Variants in GPHN observed in about 807,000 individuals in gnomAD.
GPHN encodes gephyrin.
Under a neutral mutation model 95.5 loss-of-function variants are expected in GPHN, and 17 were observed. That is an observed-to-expected ratio of 0.18 (90% CI 0.12 to 0.27). The LOEUF is 0.27. Among genes scored for constraint, GPHN ranks in the 10% least tolerant of loss-of-function variants. The probability of loss-of-function intolerance (pLI) is 1.00; values close to 1 mark genes in which losing one functional copy is unlikely to be tolerated. For missense variants in GPHN, 660 were observed against 978.1 expected, an observed-to-expected ratio of 0.67 and a Z score of 4.34; for synonymous variants, 320 against 322.5, an observed-to-expected ratio of 0.99 and a Z score of 0.08.
the GPHN span, among the ~76,000 whole-genome samples, chr14:67,540,052 G>C: frequency 6.6e-6 from 1 of 152,134 alleles, no homozygotes; most frequent in Non-Finnish European, 1.5e-5. Flanking sequence ...GAGGTGGCTG[G>C]GTTTTCTGAG....
At chr14:67,087,527 C>G (rs1215714706) in intron 11 of GPHN, among the ~76,000 whole-genome samples, 1 of 152,148 alleles carries the variant, frequency 6.6e-6, no homozygotes, top group Non-Finnish European at 1.5e-5. Flanking sequence ...TCCAGAATAG[C>G]TTCAACATCC....
the GPHN span, among the ~76,000 whole-genome samples, chr14:67,715,723 C>T: frequency 4.6e-5 from 7 of 152,124 alleles, no homozygotes; most frequent in African/African-American, 9.7e-5. Context: ...GCAATACTCA[C>T]GAAGTTGCAA....
the GPHN span, among the ~76,000 whole-genome samples, chr14:67,267,022 A>G: frequency 3.7e-4 from 57 of 152,048 alleles, no homozygotes; most frequent in Admixed American, 5.9e-4. Context: ...CGGGAAGATC[A>G]CTTGAGCCTG....
chr14:66,669,677 T>C (rs2066187663), intron 1 of GPHN, among the ~76,000 whole-genome samples: 1 of 152,144 alleles, frequency 6.6e-6, no homozygotes, highest in African/African-American at 2.4e-5. Context: ...GCTTGCTGAT[T>C]GTTTTCGCAT....
the GPHN span, among the ~76,000 whole-genome samples, chr14:67,210,153 T>C: frequency 1.3e-5 from 2 of 152,188 alleles, no homozygotes; most frequent in Non-Finnish European, 2.9e-5. Flanking sequence ...AAATAACTTA[T>C]TTGAATGTAG....
the GPHN span, among the ~76,000 whole-genome samples, chr14:67,278,139 C>T: frequency 6.6e-6 from 1 of 151,282 alleles, no homozygotes; most frequent in Non-Finnish European, 1.5e-5. Flanking sequence ...CAGGTTCAAG[C>T]GATTCTCCTG....
chr14:67,345,914 A>G, the GPHN span: 104,889 of 1,254,684 alleles, frequency 0.084, 12,709 homozygotes, highest in East Asian at 0.41. Flanking sequence ...AGAGTAAAAT[A>G]TCTTCCCTAT....
At chr14:67,312,523 T>C in the GPHN span, 1 of 1,564,596 alleles carries the variant, frequency 6.4e-7, no homozygotes. Flanking sequence ...TTTTTATCTT[T>C]TAGATCCATG....
intron 11 of GPHN, among the ~76,000 whole-genome samples, chr14:67,078,444 C>A (rs1044012108): frequency 3.9e-5 from 6 of 152,096 alleles, no homozygotes; most frequent in Non-Finnish European, 7.4e-5. Flanking sequence ...AGTTACTGCT[C>A]CCCGGTTCCC....
chr14:66,708,033 A>G (rs533381753), intron 2 of GPHN, among the ~76,000 whole-genome samples: 39 of 152,154 alleles, frequency 2.6e-4, no homozygotes, highest in Non-Finnish European at 5.4e-4. Context: ...TTGGTGCTCA[A>G]TTGATTGAAC....
At chr14:66,582,170 A>T (rs1322318969) in intron 1 of GPHN, among the ~76,000 whole-genome samples, 2 of 152,070 alleles carry the variant, frequency 1.3e-5, no homozygotes, top group Non-Finnish European at 2.9e-5. Context: ...GAAGATTGAA[A>T]TTATGCCAAA....
the GPHN span, among the ~76,000 whole-genome samples, chr14:67,719,175 G>A: frequency 6.6e-6 from 1 of 152,194 alleles, no homozygotes; most frequent in Non-Finnish European, 1.5e-5. Flanking sequence ...GGATGACAGC[G>A]TACAGGCTAA....
At chr14:66,936,412 A>G (rs1161043690) in intron 8 of GPHN, among the ~76,000 whole-genome samples, 1 of 151,928 alleles carries the variant, frequency 6.6e-6, no homozygotes, top group East Asian at 1.9e-4. Context: ...GGGATTTTTT[A>G]CCATGGTTTG....
chr14:67,560,809 C>A, the GPHN span, among the ~76,000 whole-genome samples: 1 of 148,664 alleles, frequency 6.7e-6, no homozygotes, highest in South Asian at 2.1e-4. Context: ...CGGCTCTCTG[C>A]AACCTCTGCC....
the GPHN span, among the ~76,000 whole-genome samples, chr14:67,456,720 G>A: frequency 1.3e-5 from 2 of 152,110 alleles, no homozygotes; most frequent in Non-Finnish European, 2.9e-5. Flanking sequence ...GTAGTCTGAC[G>A]ATTTCTCAAA....
rs141901805 is a variant in GPHN, at chr14:66,871,997, C to T, written c.295-7942C>T. ...TGGGATAATGCCAGCAAAGTCCTTACGTTTTTGTTAGTTTTTCTTTAAAAT... is the reference window on the plus strand; with the variant it reads ...TGGGATAATGCCAGCAAAGTCCTTATGTTTTTGTTAGTTTTTCTTTAAAAT... On this transcript the variant is annotated intron_variant, in intron 4 of 22. Coordinates refer to ENST00000478722, the MANE Select transcript of GPHN (RefSeq NM_020806.5). Among the ~76,000 whole-genome samples the T allele has an allele frequency of 5.0e-4, 76 of 152,160 alleles. No homozygotes were observed. In the East Asian group the frequency reaches 0.014, roughly 28 times the overall value.
the GPHN span, among the ~76,000 whole-genome samples, chr14:67,311,776 A>G: frequency 6.6e-6 from 1 of 152,250 alleles, no homozygotes; most frequent in Non-Finnish European, 1.5e-5. Flanking sequence ...ATTAGCAAAA[A>G]TTATAACTTG....
chr14:67,523,106 C>T, the GPHN span, among the ~76,000 whole-genome samples: 1 of 152,072 alleles, frequency 6.6e-6, no homozygotes, highest in Non-Finnish European at 1.5e-5. Context: ...AGGTGGATCA[C>T]GAGGTCAGGA....
At chr14:67,127,176 C>T (rs1391289671) in intron 17 of GPHN, among the ~76,000 whole-genome samples, 2 of 151,196 alleles carry the variant, frequency 1.3e-5, no homozygotes. Flanking sequence ...GTGGGTGCAG[C>T]GCACCAGCAT....
Sources: gnomAD v4.1 joint callset for allele counts (sites outside exome capture counted in the v4.1 genomes callset) on GRCh38, gnomAD v4.1.1 for gene constraint, MANE v1.5 for transcripts, NCBI Gene and HGNC (gene_info 2026-07-23, HGNC 2026-07-21) for gene names.